Variants in GRID2IP observed in about 807,000 individuals in gnomAD.
GRID2IP encodes delphilin.
Under a neutral mutation model 114.3 loss-of-function variants are expected in GRID2IP, and 78 were observed. The ratio of observed to expected loss-of-function variants is 0.68; its 90% CI spans 0.57 to 0.82. The LOEUF is 0.82. Ranked by LOEUF, GRID2IP falls within the 40% of genes least tolerant of loss-of-function variation. GRID2IP has a pLI of 0.00. For missense variants in GRID2IP, 1,727 were observed against 1,678.5 expected, an observed-to-expected ratio of 1.03 and a Z score of -0.51; for synonymous variants, 809 against 724.0, an observed-to-expected ratio of 1.12 and a Z score of -1.89.
At position 6,520,354 on chromosome 7, in the gene GRID2IP, A is replaced by C. The variant is rs1258692888; in HGVS notation, c.1268+224T>G. 6.6e-6 allele frequency among the ~76,000 whole-genome samples: 1 copy of C among 151,978 alleles called. No homozygotes were observed. The highest frequency in any genetic ancestry group is 1.5e-5 in the Non-Finnish European group (1 of 68,002). ...GCCTCACTTCACAGAGAAGGCTGAGACTCGCCCAAGGTCACGTGACTAGGA... is the reference window on the plus strand; with the variant it reads ...GCCTCACTTCACAGAGAAGGCTGAGCCTCGCCCAAGGTCACGTGACTAGGA... On this transcript the variant is annotated intron_variant, in intron 7 of 21. Coordinates refer to ENST00000457091, the MANE Select transcript of GRID2IP (RefSeq NM_001145118.2). This position sits in a 1 kb window ranked among gnomAD's most constrained non-coding sequence, Gnocchi z 4.6.
rs937824956 is a variant in GRID2IP, at chr7:6,520,267, G to T, written c.1268+311C>A. Among the ~76,000 whole-genome samples the T allele has an allele frequency of 6.6e-6, 1 of 151,792 alleles. No homozygotes were observed. The highest frequency in any genetic ancestry group is 2.4e-5 in the African/African-American group (1 of 41,152). On this transcript the variant is annotated intron_variant, in intron 7 of 21. Coordinates refer to ENST00000457091, the MANE Select transcript of GRID2IP (RefSeq NM_001145118.2). This position sits in a 1 kb window ranked among gnomAD's most constrained non-coding sequence, Gnocchi z 4.6. Reference sequence around the variant, plus strand: ...AGATCTCATCATTGCACTCCAGCTGGGTGATAGAGCGAGACTCCATCTCAA... The same window carrying T: ...AGATCTCATCATTGCACTCCAGCTGTGTGATAGAGCGAGACTCCATCTCAA...
At chr7:6,538,486 G>C (rs1320739956) in intron 2 of GRID2IP, among the ~76,000 whole-genome samples, 1 of 151,952 alleles carries the variant, frequency 6.6e-6, no homozygotes, top group African/African-American at 2.4e-5. Context: ...TGAATCACTT[G>C]AGGTCAGGAG....
intron 4 of GRID2IP, among the ~76,000 whole-genome samples, chr7:6,525,733 TAGAC>T (rs997083067): frequency 3.9e-5 from 6 of 152,220 alleles, no homozygotes; most frequent in Admixed American, 3.3e-4. Context: ...CAGCAGGTGT[TAGAC>T]AGCAGGCAGA....
chr7:6,528,587 G>C lies in GRID2IP; in HGVS notation c.585-1818C>G, dbSNP rs1274543814. On this transcript the variant is annotated intron_variant, in intron 2 of 21. Coordinates refer to ENST00000457091, the MANE Select transcript of GRID2IP (RefSeq NM_001145118.2). The surrounding 1 kb of genome is among the most constrained non-coding windows in gnomAD (Gnocchi z 6.0). ...GTGCCAGGGCCAAGGGCAAGATGAG[G>C]GGGAGAAGGGAGAAGGGATCAGTGG... Among the ~76,000 whole-genome samples, 1 of 152,218 alleles carries C rather than the reference G, an allele frequency of 6.6e-6. No homozygotes were observed. Among genetic ancestry groups the C allele is most frequent in the African/African-American group, 2.4e-5 (1 of 41,460 alleles).
intron 14 of GRID2IP, 81 bp from the exon 15 acceptor site, chr7:6,504,951 C>A: frequency 9.2e-7 from 1 of 1,090,972 alleles, no homozygotes; most frequent in Non-Finnish European, 1.4e-6. Flanking sequence ...TGGTCACAGC[C>A]AACAGCCACT....
chr7:6,540,821 G>C (rs925654522), intron 1 of GRID2IP, among the ~76,000 whole-genome samples: 11 of 145,644 alleles, frequency 7.6e-5, no homozygotes, highest in African/African-American at 2.8e-4. Flanking sequence ...GTCAACCACC[G>C]CACACAGCCA....
intron 14 of GRID2IP, among the ~76,000 whole-genome samples, chr7:6,505,565 CG>C (rs1786553003): frequency 6.6e-6 from 1 of 152,020 alleles, no homozygotes; most frequent in African/African-American, 2.4e-5. Flanking sequence ...ACAAGGGTTT[CG>C]CCACGTTGCC....
At position 6,551,253 on chromosome 7, in the gene GRID2IP, G is replaced by A. The variant is rs747034153; in HGVS notation, c.184C>T (p.Arg62Cys). 4 of 1,533,858 alleles carry A rather than the reference G, an allele frequency of 2.6e-6. 1 individual carries two copies. The Middle Eastern group carries it at 5.7e-4, about 220-fold the overall frequency. Residue 62 changes from arginine to cysteine, a missense_variant, in exon 1 of 22, where the codon CGC becomes TGC. Physicochemically the swap from Arg to Cys is radical, Grantham distance 180 (BLOSUM62 -3). Transcript: ENST00000457091. ...VEGLAVGGLS[R>C]ERLVRLARRC... ...CGTGCCAGGCGCACGAGGCGCTCGCGGCTCAGACCGCCCACCGCCAGCCCC... is the reference window on the plus strand; with the variant it reads ...CGTGCCAGGCGCACGAGGCGCTCGCAGCTCAGACCGCCCACCGCCAGCCCC...
rs1443239035 is a variant in GRID2IP at position 6,551,045 on chromosome 7, C to G, written c.392G>C (p.Arg131Pro). Residue 131 changes from arginine (R) to proline (P), a missense_variant, in exon 1 of 22, where the codon CGA becomes CCA. Transcript: ENST00000457091. The stretch of plus-strand genomic sequence containing the variant: ...CTCTTGGGCCTTGCGCCTGCGCTCT[C>G]GGTGCACCGCGTCCGGGCGCTTGCG... ...AGRKRPDAVH[R>P]ERRRKAQEFS... 1.5e-6 allele frequency: 2 copies of G among 1,299,704 alleles called. No homozygotes were observed. Among genetic ancestry groups the G allele is most frequent in the Admixed American group, 8.0e-5 (2 of 24,860 alleles). The allele number at this position is 1,299,704 out of a possible 1,614,324, so 80.5% of individuals were successfully genotyped here.
chr7:6,542,627 T>C (rs1404188526), intron 1 of GRID2IP, among the ~76,000 whole-genome samples: 1 of 152,060 alleles, frequency 6.6e-6, no homozygotes, highest in Non-Finnish European at 1.5e-5. Context: ...CACTGCACTA[T>C]ACAGTCTGGG....
Position 6,521,305 on chromosome 7 carries a change from C to T in GRID2IP, c.1084+124G>A. The T allele has an allele frequency of 1.5e-6, 1 of 657,038 alleles. No homozygotes were observed. The allele number at this position is 657,038 out of a possible 1,614,324, so 40.7% of individuals were successfully genotyped here. ...TTCTATAGCACCACTTAGGAGGCAG[C>T]CCCGGGGAGGCAAGCTGCAGGTTTA... On this transcript the variant is annotated intron_variant, in intron 6 of 21. Transcript: ENST00000457091. The surrounding 1 kb of genome is among the most constrained non-coding windows in gnomAD (Gnocchi z 4.1).
intron 1 of GRID2IP, among the ~76,000 whole-genome samples, chr7:6,545,144 C>A (rs918407852): frequency 2.0e-4 from 31 of 151,558 alleles, no homozygotes; most frequent in African/African-American, 7.5e-4. Flanking sequence ...TGGTGGTGCA[C>A]GCTTGTATTC....
intron 4 of GRID2IP, among the ~76,000 whole-genome samples, chr7:6,524,670 T>C (rs1247699542): frequency 6.6e-6 from 1 of 151,762 alleles, no homozygotes; most frequent in Non-Finnish European, 1.5e-5. Flanking sequence ...CAGTGGGCCA[T>C]GATCATGCCA....
At chr7:6,544,813 G>A (rs1010331348) in intron 1 of GRID2IP, among the ~76,000 whole-genome samples, 4 of 151,896 alleles carry the variant, frequency 2.6e-5, no homozygotes, top group African/African-American at 7.2e-5. Flanking sequence ...CGGGCGCGGT[G>A]GCTCATGCCT....
At chr7:6,504,369 G>A (rs1276795803) in intron 15 of GRID2IP, among the ~76,000 whole-genome samples, 1 of 151,668 alleles carries the variant, frequency 6.6e-6, no homozygotes, top group Non-Finnish European at 1.5e-5. Context: ...CAAGGAACAA[G>A]GGCGGGGCCT....
At chr7:6,548,358 A>T (rs1447537182) in intron 1 of GRID2IP, among the ~76,000 whole-genome samples, 1 of 152,056 alleles carries the variant, frequency 6.6e-6, no homozygotes, top group Non-Finnish European at 1.5e-5. Context: ...TCCAAAAAAA[A>T]TAAATACAAA....
Position 6,519,851 on chromosome 7 carries a change from G to A in GRID2IP, c.1268+727C>T, listed in dbSNP as rs1288166529. ...GCAGAGACCATAATAATGACCCCATGGACCGAGGAGTGTGATAAATGCAGC... is the reference window on the plus strand; with the variant it reads ...GCAGAGACCATAATAATGACCCCATAGACCGAGGAGTGTGATAAATGCAGC... On this transcript the variant is annotated intron_variant, in intron 7 of 21. Transcript: ENST00000457091. This position sits in a 1 kb window ranked among gnomAD's most constrained non-coding sequence, Gnocchi z 4.1. 7.2e-5 allele frequency among the ~76,000 whole-genome samples: 11 copies of A among 152,214 alleles called. No homozygotes were observed. The highest frequency in any genetic ancestry group is 7.2e-4 in the Admixed American group (11 of 15,278).
chr7:6,543,008 G>A (rs894023144), intron 1 of GRID2IP, among the ~76,000 whole-genome samples: 3 of 152,090 alleles, frequency 2.0e-5, no homozygotes, highest in Non-Finnish European at 4.4e-5. Context: ...AACTGGGGCT[G>A]TCAGGCCCCG....
intron 20 of GRID2IP, among the ~76,000 whole-genome samples, chr7:6,499,937 C>A (rs1239322370): frequency 6.6e-6 from 1 of 150,430 alleles, no homozygotes; most frequent in Non-Finnish European, 1.5e-5. Flanking sequence ...CCCTATGTTG[C>A]CCAGGCTGGT....
Sources: allele counts gnomAD v4.1 joint callset (sites outside exome capture counted in the v4.1 genomes callset), GRCh38; gene constraint gnomAD v4.1.1; non-coding constraint Gnocchi (gnomAD v3.1); transcripts MANE v1.5; gene names NCBI Gene and HGNC (gene_info 2026-07-23, HGNC 2026-07-21).